Variants in PTPRM observed in about 807,000 individuals in gnomAD.
PTPRM encodes receptor-type tyrosine-protein phosphatase mu.
A neutral mutation model predicts 186.7 loss-of-function variants in PTPRM; 47 were observed. The observed-to-expected ratio is 0.25, with a 90% CI of 0.20 to 0.32. The LOEUF is 0.32. PTPRM is among the 10% of genes least tolerant of loss of function. The pLI is 1.00. For missense variants in PTPRM, 1,494 were observed against 1,865.0 expected (o/e 0.80, Z 3.66); for synonymous variants, 668 against 674.9 (o/e 0.99, Z 0.16).
intron 19 of PTPRM, among the ~76,000 whole-genome samples, chr18:8,265,751 G>A (rs1238811645): frequency 2.0e-5 from 3 of 152,090 alleles, no homozygotes; most frequent in African/African-American, 7.2e-5. Context: ...TCCTCTCTGC[G>A]AACTCTCTAA....
chr18:7,851,634 CAAAA>C, intron 2 of PTPRM, among the ~76,000 whole-genome samples: 2 of 70,256 alleles, frequency 2.8e-5, no homozygotes, highest in South Asian at 8.8e-4. Flanking sequence ...CAACAACAAA[CAAAA>C]AAACAAAAAA....
intron 20 of PTPRM, among the ~76,000 whole-genome samples, chr18:8,301,027 G>A (rs1456534494): frequency 6.6e-6 from 1 of 152,140 alleles, no homozygotes; most frequent in Non-Finnish European, 1.5e-5. Context: ...TTATGTAACT[G>A]TAGAAAAGTC....
intron 7 of PTPRM, among the ~76,000 whole-genome samples, chr18:7,997,871 T>A (rs184083496): frequency 1.3e-3 from 193 of 152,230 alleles, no homozygotes; most frequent in African/African-American, 4.4e-3. Flanking sequence ...CCAAAGAAAG[T>A]TATAACAGAT....
intron 23 of PTPRM, 132 bp from the exon 24 acceptor site, chr18:8,370,758 G>A (rs899128663): frequency 7.4e-6 from 4 of 541,600 alleles, no homozygotes; most frequent in Non-Finnish European, 1.3e-5. Flanking sequence ...ACAAAAAATA[G>A]ACCTTCCTCT....
chr18:7,769,151 G>T (rs2042156978), intron 1 of PTPRM, among the ~76,000 whole-genome samples: 1 of 152,012 alleles, frequency 6.6e-6, no homozygotes, highest in South Asian at 2.1e-4. Flanking sequence ...CAGGGTTCTG[G>T]GAAGGAAGAT....
At chr18:7,589,535 G>A (rs2037068632) in intron 1 of PTPRM, among the ~76,000 whole-genome samples, 1 of 152,078 alleles carries the variant, frequency 6.6e-6, no homozygotes, top group African/African-American at 2.4e-5. Context: ...ACTTGAAAGT[G>A]TGACATCCTC....
intron 20 of PTPRM, among the ~76,000 whole-genome samples, chr18:8,309,930 G>C (rs2095255436): frequency 6.6e-6 from 1 of 152,100 alleles, no homozygotes; most frequent in South Asian, 2.1e-4. Flanking sequence ...TGACATTTAA[G>C]GAAGGAGAAT....
chr18:7,617,411 T>C (rs1280627443), intron 1 of PTPRM, among the ~76,000 whole-genome samples: 1 of 152,126 alleles, frequency 6.6e-6, no homozygotes, highest in Non-Finnish European at 1.5e-5. Flanking sequence ...GAAGTTATAG[T>C]TATTTGTTTA....
At chr18:8,053,150 G>A (rs1412050352) in intron 7 of PTPRM, among the ~76,000 whole-genome samples, 1 of 151,952 alleles carries the variant, frequency 6.6e-6, no homozygotes, top group Non-Finnish European at 1.5e-5. Flanking sequence ...TATATCATTT[G>A]TCTTTATTGT....
chr18:7,982,491 G>C (rs2082610939), intron 7 of PTPRM, among the ~76,000 whole-genome samples: 1 of 151,028 alleles, frequency 6.6e-6, no homozygotes, highest in African/African-American at 2.4e-5. Flanking sequence ...ACCTCCTGAA[G>C]GTCCTGCCTG....
intron 10 of PTPRM, 108 bp from the exon 11 acceptor site, chr18:8,088,640 TA>T: frequency 2.3e-6 from 2 of 859,984 alleles, no homozygotes; most frequent in Non-Finnish European, 3.8e-6. Flanking sequence ...AGCTGCAATG[TA>T]AAGTAAATGC....
intron 20 of PTPRM, among the ~76,000 whole-genome samples, chr18:8,299,826 C>T (rs115009336): frequency 0.027 from 4,153 of 152,234 alleles, 176 homozygotes; most frequent in South Asian, 0.099. Context: ...GAAACTTTTT[C>T]TGAAAGCCAG....
At chr18:8,252,859 T>C (rs892821872) in intron 18 of PTPRM, among the ~76,000 whole-genome samples, 1 of 152,204 alleles carries the variant, frequency 6.6e-6, no homozygotes, top group Non-Finnish European at 1.5e-5. Flanking sequence ...TATGTCATCA[T>C]ACGAACTACT....
intron 1 of PTPRM, among the ~76,000 whole-genome samples, chr18:7,569,386 G>A (rs990947466): frequency 6.6e-6 from 1 of 152,180 alleles, no homozygotes; most frequent in Non-Finnish European, 1.5e-5. Context: ...CTAACTGCCT[G>A]GTAATTGCAC....
At chr18:7,972,981 C>T (rs1031755021) in intron 7 of PTPRM, among the ~76,000 whole-genome samples, 1 of 152,144 alleles carries the variant, frequency 6.6e-6, no homozygotes, top group African/African-American at 2.4e-5. Context: ...GATTTCACAT[C>T]TGCCAGTATT....
At chr18:8,216,018 G>A (rs1220197682) in intron 14 of PTPRM, among the ~76,000 whole-genome samples, 1 of 152,138 alleles carries the variant, frequency 6.6e-6, no homozygotes, top group African/African-American at 2.4e-5. Flanking sequence ...TAAAGCACAG[G>A]CCTAAGGGCC....
chr18:7,609,915 A>G (rs371083851), intron 1 of PTPRM, among the ~76,000 whole-genome samples: 104 of 152,334 alleles, frequency 6.8e-4, no homozygotes, highest in African/African-American at 2.4e-3. Context: ...GTTCCTGGTA[A>G]TAAGAGTTGT....
intron 7 of PTPRM, among the ~76,000 whole-genome samples, chr18:7,966,545 C>G (rs994095693): frequency 1.3e-5 from 2 of 150,170 alleles, no homozygotes; most frequent in South Asian, 2.1e-4. Context: ...TCTGAGGTAC[C>G]GGGTTCATCT....
intron 1 of PTPRM, among the ~76,000 whole-genome samples, chr18:7,680,556 A>C (rs1278297607): frequency 6.6e-6 from 1 of 152,180 alleles, no homozygotes; most frequent in Non-Finnish European, 1.5e-5. Context: ...TAGACGTAGG[A>C]AAACCGTTTC....
Sources: allele counts gnomAD v4.1 joint callset (sites outside exome capture counted in the v4.1 genomes callset), GRCh38; gene constraint gnomAD v4.1.1; transcripts MANE v1.5; gene names NCBI Gene and HGNC (gene_info 2026-07-23, HGNC 2026-07-21).